Variants in PRKG1 observed in about 807,000 individuals in gnomAD.
The protein encoded by PRKG1 is cGMP-dependent protein kinase 1.
In PRKG1, 35 loss-of-function variants were observed where a neutral mutation model predicts 88.1. That is an observed-to-expected ratio of 0.40 (90% CI 0.30 to 0.53). The LOEUF (loss-of-function observed/expected upper bound fraction) is 0.53. Among genes scored for constraint, PRKG1 ranks in the 20% least tolerant of loss-of-function variants. The probability of loss-of-function intolerance (pLI) is 0.59; values close to 1 mark genes in which losing one functional copy is unlikely to be tolerated. For synonymous variants in PRKG1, 303 were observed against 292.5 expected, an observed-to-expected ratio of 1.04 and a Z score of -0.37; for missense variants, 540 against 839.8, an observed-to-expected ratio of 0.64 and a Z score of 4.41.
chr10:52,168,431 C>T (rs749329148), intron 9 of PRKG1, among the ~76,000 whole-genome samples: 3 of 152,108 alleles, frequency 2.0e-5, no homozygotes, highest in African/African-American at 4.8e-5. Flanking sequence ...ATTAAAGTAG[C>T]AATATGCCTG....
intron 1 of PRKG1, among the ~76,000 whole-genome samples, chr10:51,120,337 A>G (rs778307432): frequency 3.9e-5 from 6 of 152,170 alleles, no homozygotes; most frequent in Non-Finnish European, 8.8e-5. Flanking sequence ...TATTGCCCAA[A>G]TCACAACAAA....
chr10:51,592,987 T>A (rs978260954), intron 3 of PRKG1, among the ~76,000 whole-genome samples: 1 of 152,214 alleles, frequency 6.6e-6, no homozygotes, highest in Non-Finnish European at 1.5e-5. Flanking sequence ...CTGAGTTTAA[T>A]TTTAAGTCAT....
Position 51,051,867 on chromosome 10 carries a change from A to G in PRKG1, c.266+60223A>G, listed in dbSNP as rs575918395. On this transcript the variant is annotated intron_variant, in intron 1 of 17. Coordinates refer to the PRKG1 transcript ENST00000401604. Reference sequence around the variant, plus strand: ...AATTAGCACATTCCTAAGGCTTAAGAAAAATCGATTCAGGATGATAATACC... The same window carrying G: ...AATTAGCACATTCCTAAGGCTTAAGGAAAATCGATTCAGGATGATAATACC... Among the ~76,000 whole-genome samples the G allele has an allele frequency of 2.0e-5, 3 of 152,274 alleles. No homozygotes were observed. The South Asian group carries it at 6.2e-4, about 32-fold the overall frequency.
At position 51,409,724 on chromosome 10, in the gene PRKG1, C is replaced by G. The variant is rs144596001; in HGVS notation, c.479-57999C>G. On this transcript the variant is annotated intron_variant, in intron 2 of 17. Coordinates refer to ENST00000373980, the MANE Select transcript of PRKG1 (RefSeq NM_006258.4). ...AAAAAAATTAGCTGGCTTGGTGATGCGTGCCTGTAATCCCAGCTACTCAAG... is the reference window on the plus strand; with the variant it reads ...AAAAAAATTAGCTGGCTTGGTGATGGGTGCCTGTAATCCCAGCTACTCAAG... Among the ~76,000 whole-genome samples, 44 of 151,634 alleles carry G rather than the reference C, an allele frequency of 2.9e-4. 1 individual carries two copies. The East Asian group carries it at 6.8e-3, about 23-fold the overall frequency.
intron 4 of PRKG1, among the ~76,000 whole-genome samples, chr10:51,808,082 G>A (rs934174618): frequency 6.6e-6 from 1 of 152,086 alleles, no homozygotes; most frequent in African/African-American, 2.4e-5. Context: ...TAGCCTCAAT[G>A]ATAGATACTA....
chr10:51,197,747 G>T (rs1335541117), intron 2 of PRKG1, among the ~76,000 whole-genome samples: 5 of 151,650 alleles, frequency 3.3e-5, no homozygotes. Flanking sequence ...TAAATAAGGT[G>T]TGTTTTTTTT....
At chr10:51,463,919 C>T (rs1033383891) in intron 2 of PRKG1, among the ~76,000 whole-genome samples, 2 of 152,122 alleles carry the variant, frequency 1.3e-5, no homozygotes, top group Non-Finnish European at 2.9e-5. Flanking sequence ...CTCCAGGTAA[C>T]AAAGTACAGA....
At chr10:52,068,406 A>T (rs1476094518) in intron 7 of PRKG1, among the ~76,000 whole-genome samples, 1 of 152,084 alleles carries the variant, frequency 6.6e-6, no homozygotes, top group Non-Finnish European at 1.5e-5. Context: ...CTAACTTTTG[A>T]GTCTTCAGCA....
chr10:51,810,040 A>G (rs1231667170), intron 4 of PRKG1, among the ~76,000 whole-genome samples: 1 of 152,134 alleles, frequency 6.6e-6, no homozygotes, highest in African/African-American at 2.4e-5. Context: ...GTGATCTAAG[A>G]TGTGACAACA....
At chr10:51,222,127 C>CG (rs1838554816) in intron 2 of PRKG1, among the ~76,000 whole-genome samples, 1 of 121,880 alleles carries the variant, frequency 8.2e-6, no homozygotes. Context: ...TCCGCGCCCC[C>CG]CCCCGACCCC....
intron 7 of PRKG1, among the ~76,000 whole-genome samples, chr10:52,110,829 G>C (rs546842561): frequency 1.3e-5 from 2 of 152,108 alleles, no homozygotes; most frequent in African/African-American, 4.8e-5. Flanking sequence ...GACCAACTGC[G>C]TGCAGAACTG....
At chr10:51,512,280 G>C (rs1841438441) in intron 3 of PRKG1, among the ~76,000 whole-genome samples, 2 of 147,704 alleles carry the variant, frequency 1.4e-5, no homozygotes, top group African/African-American at 5.0e-5. Context: ...TGCCATGCTG[G>C]TGTGCTGCAC....
At chr10:51,097,971 G>A (rs576324910) in intron 1 of PRKG1, among the ~76,000 whole-genome samples, 50 of 152,146 alleles carry the variant, frequency 3.3e-4, no homozygotes, top group African/African-American at 1.0e-3. Flanking sequence ...CCTTCTTTTC[G>A]TGGGAAGTAT....
At chr10:51,332,304 G>C (rs1208023091) in intron 2 of PRKG1, among the ~76,000 whole-genome samples, 2 of 152,148 alleles carry the variant, frequency 1.3e-5, no homozygotes, top group Non-Finnish European at 2.9e-5. Context: ...AGTGCATGCA[G>C]TGGTGTTCAT....
intron 2 of PRKG1, chr10:51,306,421 C>T (rs1841039135): frequency 6.6e-6 from 1 of 152,134 alleles, no homozygotes; most frequent in African/African-American, 2.4e-5. Context: ...CAGGCTTTTA[C>T]CCAGTATGGC....
intron 1 of PRKG1, among the ~76,000 whole-genome samples, chr10:51,061,060 G>GGGGTGTGTGTGTGTGTGTGTGT (rs1491449534): frequency 1.2e-4 from 17 of 147,162 alleles, no homozygotes; most frequent in African/African-American, 4.4e-4. Context: ...TATACCTAGG[G>GGGGTGTGTGTGTGTGTGTGTGT]GTGTGTGTGT....
intron 2 of PRKG1, among the ~76,000 whole-genome samples, chr10:51,421,313 G>A (rs923243899): frequency 6.6e-5 from 10 of 152,180 alleles, no homozygotes; most frequent in African/African-American, 2.4e-4. Context: ...TTAATACTAT[G>A]AGGCACATGT....
At chr10:51,927,802 A>G (rs1258479827) in intron 5 of PRKG1, among the ~76,000 whole-genome samples, 1 of 152,196 alleles carries the variant, frequency 6.6e-6, no homozygotes, top group African/African-American at 2.4e-5. Context: ...TTATCATTTG[A>G]GACTATGTTA....
intron 5 of PRKG1, among the ~76,000 whole-genome samples, chr10:51,961,575 G>A (rs2133072221): frequency 6.6e-6 from 1 of 152,342 alleles, no homozygotes; most frequent in Admixed American, 6.5e-5. Flanking sequence ...AGAGATGGAT[G>A]TGGTAAAGTA....
Sources: allele counts gnomAD v4.1 joint callset (sites outside exome capture counted in the v4.1 genomes callset), GRCh38; gene constraint gnomAD v4.1.1; transcripts MANE v1.5; gene names NCBI Gene and HGNC (gene_info 2026-07-23, HGNC 2026-07-21).